The following AKT3 variants were observed in gnomAD, a reference collection of about 807,000 sequenced individuals.
AKT3 encodes AKT serine/threonine kinase 3, also known as RAC-gamma serine/threonine-protein kinase.
In AKT3, 15 loss-of-function variants were observed where a neutral mutation model predicts 65.3. The ratio of observed to expected loss-of-function variants is 0.23; its 90% confidence interval spans 0.15 to 0.35. The LOEUF is 0.35. AKT3 is among the 10% of genes least tolerant of loss of function. AKT3 has a pLI of 1.00. For missense variants in AKT3, 243 were observed against 576.5 expected (o/e 0.42, Z 5.92); for synonymous variants, 206 against 183.8 (o/e 1.12, Z -0.98).
At chr1:243,846,354 G>C (rs886273799) in intron 1 of AKT3, among the ~76,000 whole-genome samples, 1 of 151,852 alleles carries the variant, frequency 6.6e-6, no homozygotes, top group South Asian at 2.1e-4. Flanking sequence ...ATATATATAG[G>C]AATTATCTAA....
chr1:243,738,293 C>A (rs1473696664), intron 2 of AKT3, among the ~76,000 whole-genome samples: 1 of 152,134 alleles, frequency 6.6e-6, no homozygotes, highest in Non-Finnish European at 1.5e-5. Context: ...GACTACAGAC[C>A]CTGTTGTCTA....
chr1:243,775,420 T>A (rs558631647), intron 2 of AKT3, among the ~76,000 whole-genome samples: 1 of 152,260 alleles, frequency 6.6e-6, no homozygotes, highest in South Asian at 2.1e-4. Context: ...GACCTTGTGA[T>A]CTGCCCACCT....
chr1:243,495,682 G>A (rs1393187059), downstream of AKT3, among the ~76,000 whole-genome samples: 1 of 152,172 alleles, frequency 6.6e-6, no homozygotes, highest in East Asian at 1.9e-4. Flanking sequence ...CTGTAGAGGA[G>A]TGCTCCCTTC....
intron 2 of AKT3, among the ~76,000 whole-genome samples, chr1:243,767,934 T>C (rs2148266718): frequency 6.6e-6 from 1 of 151,932 alleles, no homozygotes; most frequent in Non-Finnish European, 1.5e-5. Flanking sequence ...TCAAAAGTAA[T>C]GAAAACGGTA....
At chr1:243,547,883 C>T (rs1672784693) in intron 11 of AKT3, 1 of 152,152 alleles carries the variant, frequency 6.6e-6, no homozygotes, top group Admixed American at 6.5e-5. Context: ...TGAACTATAC[C>T]CCAGAGATGG....
chr1:243,549,663 G>A (rs185938163), intron 11 of AKT3, among the ~76,000 whole-genome samples: 23 of 152,048 alleles, frequency 1.5e-4, no homozygotes, highest in Non-Finnish European at 2.9e-4. Flanking sequence ...GACCTCAAGT[G>A]ACCTTCTTGC....
chr1:243,782,436 G>C (rs1690972809), intron 2 of AKT3, among the ~76,000 whole-genome samples: 1 of 152,192 alleles, frequency 6.6e-6, no homozygotes, highest in South Asian at 2.1e-4. Context: ...CACCCTTCTT[G>C]TTGTGTCCTC....
intron 2 of AKT3, among the ~76,000 whole-genome samples, chr1:243,825,287 T>C (rs145576591): frequency 1.3e-3 from 203 of 152,284 alleles, no homozygotes; most frequent in Admixed American, 4.6e-3. Flanking sequence ...GATAAATAGC[T>C]AATGCATGTT....
At chr1:243,812,225 G>C (rs1300153936) in intron 2 of AKT3, among the ~76,000 whole-genome samples, 1 of 152,186 alleles carries the variant, frequency 6.6e-6, no homozygotes, top group Non-Finnish European at 1.5e-5. Flanking sequence ...TACCATCAGA[G>C]TGAACAGCCA....
intron 3 of AKT3, among the ~76,000 whole-genome samples, chr1:243,684,193 A>C (rs1422521091): frequency 6.6e-6 from 1 of 151,940 alleles, no homozygotes; most frequent in Non-Finnish European, 1.5e-5. Context: ...GTTCTGGGGT[A>C]CATGTGCAGA....
At chr1:243,686,653 T>TATATATATATATATA (rs1684343018) in intron 3 of AKT3, among the ~76,000 whole-genome samples, 6 of 11,558 alleles carry the variant, frequency 5.2e-4, no homozygotes, top group Admixed American at 1.6e-3. Flanking sequence ...ATATATATAT[T>TATATATATATATATA]TTTTTTTTTT....
intron 6 of AKT3, among the ~76,000 whole-genome samples, chr1:243,634,314 G>T (rs1679820871): frequency 6.6e-6 from 1 of 151,720 alleles, no homozygotes; most frequent in Non-Finnish European, 1.5e-5. Flanking sequence ...CATGGATATG[G>T]AATACAGAGA....
At chr1:243,589,306 C>CAAAAAAAA (rs758254217) in intron 8 of AKT3, among the ~76,000 whole-genome samples, 7 of 40,830 alleles carry the variant, frequency 1.7e-4, no homozygotes, top group Non-Finnish European at 2.5e-4. Context: ...AACTCCATCT[C>CAAAAAAAA]AAAAAAAAAA....
intron 4 of AKT3, among the ~76,000 whole-genome samples, chr1:243,655,859 G>A (rs923933335): frequency 1.8e-4 from 27 of 151,988 alleles, no homozygotes; most frequent in Admixed American, 6.6e-5. Flanking sequence ...ACCACTTCAA[G>A]AACTAGCAGG....
At chr1:243,645,083 G>A (rs999626752) in intron 5 of AKT3, among the ~76,000 whole-genome samples, 2 of 152,240 alleles carry the variant, frequency 1.3e-5, no homozygotes, top group African/African-American at 2.4e-5. Flanking sequence ...CGTGGAAAAG[G>A]GAGGATATGA....
intron 12 of AKT3, among the ~76,000 whole-genome samples, chr1:243,525,366 T>TA (rs1050882680): frequency 4.0e-5 from 6 of 151,818 alleles, no homozygotes; most frequent in South Asian, 2.1e-4. Context: ...GACTCAGCAT[T>TA]AAAAAAACAA....
At position 243,776,219 on chromosome 1, in the gene AKT3, AATG is replaced by A. The variant is rs916144858; in HGVS notation, c.46+66903_46+66905del. ...TATGCGAAATTTTAGGCCAAGTCAA[AATG>A]ATGATGATGATGACAGGTTAAATAA... On this transcript the variant is annotated intron_variant, in intron 2 of 13. Coordinates refer to ENST00000673466, the MANE Select transcript of AKT3 (RefSeq NM_005465.7). Among the ~76,000 whole-genome samples, 9 of 152,268 alleles carry A rather than the reference AATG, an allele frequency of 5.9e-5. No homozygotes were observed. In the South Asian group the frequency reaches 1.9e-3, roughly 32 times the overall value.
chr1:243,539,779 A>G (rs1193633630), intron 12 of AKT3, among the ~76,000 whole-genome samples: 1 of 152,208 alleles, frequency 6.6e-6, no homozygotes, highest in Non-Finnish European at 1.5e-5. Flanking sequence ...ACTCTTTTGA[A>G]ATGAAAACAC....
intron 12 of AKT3, among the ~76,000 whole-genome samples, chr1:243,529,456 G>GCA (rs927084203): frequency 6.6e-6 from 1 of 152,056 alleles, no homozygotes; most frequent in Non-Finnish European, 1.5e-5. Context: ...TCTATCTCGA[G>GCA]TTGATTTTTG....
Sources: gnomAD v4.1 joint callset for allele counts (sites outside exome capture counted in the v4.1 genomes callset) on GRCh38, gnomAD v4.1.1 for gene constraint, MANE v1.5 for transcripts, NCBI Gene and HGNC (gene_info 2026-07-23, HGNC 2026-07-21) for gene names.